LMAN2: variants seen among roughly 807,000 people sequenced by gnomAD.
The protein encoded by LMAN2 is lectin, mannose binding 2, also known as vesicular integral-membrane protein VIP36.
In LMAN2, 22 loss-of-function variants were observed where a neutral mutation model predicts 39.3. That is an observed-to-expected ratio of 0.56 (90% confidence interval 0.40 to 0.80). The LOEUF (loss-of-function observed/expected upper bound fraction) is 0.80, where lower values mean the gene tolerates loss of function less well. Among genes scored for constraint, LMAN2 ranks in the 30% least tolerant of loss-of-function variants. The pLI, the probability that LMAN2 is intolerant of heterozygous loss-of-function variation, is 0.00. For missense variants in LMAN2, 494 were observed against 505.4 expected (o/e 0.98, Z 0.22); for synonymous variants, 207 against 207.8 (o/e 1.00, Z 0.03).
chr5:177,341,298 T>C (rs1326653978), intron 2 of LMAN2, among the ~76,000 whole-genome samples: 1 of 150,328 alleles, frequency 6.7e-6, no homozygotes, highest in African/African-American at 2.5e-5. Flanking sequence ...ACTCCCGACC[T>C]AAGGTGATCC....
chr5:177,338,533 C>T lies in LMAN2; in HGVS notation c.388G>A (p.Gly130Arg), dbSNP rs773398800. The T allele has an allele frequency of 1.2e-6, 2 of 1,614,232 alleles. No individual in the cohort carries two copies. The highest frequency in any genetic ancestry group is 1.7e-6 in the Non-Finnish European group (2 of 1,180,034). ...GTGTACCACAAGGCGATGCCGTCTCCATGGAGGTTCTTCTTCCCTGTGCCG... is the reference window on the plus strand; with the variant it reads ...GTGTACCACAAGGCGATGCCGTCTCTATGGAGGTTCTTCTTCCCTGTGCCG... ...VHGTGKKNLH[G>R]DGIALWYTRD... The change falls in exon 3 of 8, where the codon GGA becomes AGA. Residue 130 changes from glycine to arginine, a missense_variant. Coordinates refer to ENST00000303127, the MANE Select transcript of LMAN2 (RefSeq NM_006816.3).
At position 177,351,482 on chromosome 5, in the gene LMAN2, G is replaced by C; in HGVS notation, c.166C>G (p.Arg56Gly). ...ITDGNSEHLK[R>G]EHSLIKPYQG... ...TAGGGCTTAATGAGCGAATGCTCCC[G>C]CTTGAGATGTTCACTGTTGCCGTCA... Residue 56 changes from arginine to glycine, a missense_variant, in exon 1 of 8, where the codon CGG (arginine) becomes GGG (glycine). Physicochemically the swap from Arg to Gly is moderately radical, Grantham distance 125. Coordinates refer to ENST00000303127, the MANE Select transcript of LMAN2 (RefSeq NM_006816.3). 6.2e-7 allele frequency: 1 copy of C among 1,613,822 alleles called. No individual in the cohort carries two copies. The highest frequency in any genetic ancestry group is 8.5e-7 in the Non-Finnish European group (1 of 1,179,850).
At chr5:177,339,712 T>C (rs1441409081) in intron 2 of LMAN2, among the ~76,000 whole-genome samples, 1 of 152,084 alleles carries the variant, frequency 6.6e-6, no homozygotes, top group Non-Finnish European at 1.5e-5. Context: ...GAGAAATGAA[T>C]ACAGGAGTAA....
chr5:177,336,212 G>A (rs1253282224), intron 6 of LMAN2, among the ~76,000 whole-genome samples: 1 of 152,174 alleles, frequency 6.6e-6, no homozygotes, highest in Non-Finnish European at 1.5e-5. Context: ...GGTAACATCT[G>A]AGCAAGGCCC....
At chr5:177,346,051 A>T (rs1448673315) in intron 2 of LMAN2, 1 of 152,438 alleles carries the variant, frequency 6.6e-6, no homozygotes, top group Non-Finnish European at 1.5e-5. Flanking sequence ...TACAGGCGTG[A>T]GCCACCGCAC....
chr5:177,347,412 C>T (rs1761651765), intron 2 of LMAN2, among the ~76,000 whole-genome samples: 1 of 152,186 alleles, frequency 6.6e-6, no homozygotes, highest in South Asian at 2.1e-4. Context: ...GGAAAGTCTT[C>T]ATGACCCCAG....
intron 2 of LMAN2, 54 bp downstream of exon 2, chr5:177,351,119 G>C (rs1436388507): frequency 4.4e-5 from 66 of 1,504,024 alleles, no homozygotes; most frequent in Admixed American, 6.7e-5. Context: ...TGCTCGGGAG[G>C]CAGGGACTAG....
At chr5:177,349,408 G>C (rs1761689101) in intron 2 of LMAN2, among the ~76,000 whole-genome samples, 1 of 152,220 alleles carries the variant, frequency 6.6e-6, no homozygotes, top group African/African-American at 2.4e-5. Flanking sequence ...AGAAAATTCT[G>C]ATTTCCAAGC....
chr5:177,341,361 C>T (rs576934502), intron 2 of LMAN2, among the ~76,000 whole-genome samples: 2 of 151,926 alleles, frequency 1.3e-5, no homozygotes, highest in Admixed American at 6.6e-5. Context: ...CCACCGCGCC[C>T]GGCCATAAAA....
rs990138173 is a variant in LMAN2, at chr5:177,332,024, G to A, written c.*62C>T. On this transcript the variant is annotated 3_prime_UTR_variant, in exon 8 of 8. Coordinates refer to ENST00000303127, the MANE Select transcript of LMAN2 (RefSeq NM_006816.3). The surrounding 1 kb of genome is among the most constrained non-coding windows in gnomAD (Gnocchi z 6.3). ...CATCTTGTTGTTCTTTTATAATCCC[G>A]GTAAAAAAAAAAGTTCACATTGGCT... The A allele has an allele frequency of 4.0e-5, 58 of 1,464,250 alleles. No homozygotes were observed. Among genetic ancestry groups the A allele is most frequent in the Admixed American group, 3.0e-4 (13 of 43,680 alleles). 90.7% of individuals were successfully genotyped at this position (1,464,250 alleles called of 1,614,324 possible). A position where few individuals can be genotyped will look rare whatever the true frequency, so the allele number is the denominator to read the frequency against.
chr5:177,338,873 G>A (rs890195346), intron 2 of LMAN2, among the ~76,000 whole-genome samples: 3 of 152,212 alleles, frequency 2.0e-5, no homozygotes, highest in Non-Finnish European at 4.4e-5. Context: ...GCAGACCTCA[G>A]GCTGCTCCTG....
intron 6 of LMAN2, among the ~76,000 whole-genome samples, chr5:177,336,656 T>C (rs933700159): frequency 3.3e-5 from 5 of 152,154 alleles, no homozygotes; most frequent in African/African-American, 1.2e-4. Context: ...GGGGCACAGG[T>C]GCCACTGACA....
Position 177,332,113 on chromosome 5 carries a change from C to T in LMAN2, c.1044G>A (p.Arg348=). 6.2e-7 allele frequency: 1 copy of T among 1,613,404 alleles called. No individual in the cohort carries two copies. The highest frequency in any genetic ancestry group is 2.2e-5 in the East Asian group (1 of 44,876). ...AVVGAVVFQK[R]QERNKRFY ...AGTAGAAGCGCTTGTTCCGCTCCTG[C>T]CGCTTCTGGAACACCACGGCCCCCA... Residue 348 remains arginine, a synonymous_variant, in exon 8 of 8, where the codon CGG becomes CGA. Transcript: ENST00000303127. The surrounding 1 kb of genome is among the most constrained non-coding windows in gnomAD (Gnocchi z 6.3).
At chr5:177,341,053 C>A (rs1325343215) in intron 2 of LMAN2, among the ~76,000 whole-genome samples, 1 of 142,404 alleles carries the variant, frequency 7.0e-6, no homozygotes, top group Non-Finnish European at 1.5e-5. Context: ...CCACGCCCAG[C>A]CTTTTTTTTT....
At chr5:177,351,383 G>C in intron 1 of LMAN2, 69 bp downstream of exon 1, 5 of 1,604,772 alleles carry the variant, frequency 3.1e-6, no homozygotes, top group South Asian at 1.1e-5. Context: ...AGGAGAAAGG[G>C]CACGCCTTCC....
In LMAN2 at chr5:177,332,309, G is replaced by C. The variant is rs1372977249; in HGVS notation, c.911-63C>G. 2 of 1,493,106 alleles carry C rather than the reference G, an allele frequency of 1.3e-6. No individual in the cohort carries two copies. The highest frequency in any genetic ancestry group is 1.8e-6 in the Non-Finnish European group (2 of 1,088,342). The allele number at this position is 1,493,106 out of a possible 1,614,324, so 92.5% of individuals were successfully genotyped here. ...CGGGCCGGGGATCAGGGGGCTGCAG[G>C]AGGGCAGTGGGGATGGAACAGGACA... On this transcript the variant is annotated intron_variant, in intron 7 of 7. Coordinates refer to ENST00000303127, the MANE Select transcript of LMAN2 (RefSeq NM_006816.3). This position sits in a 1 kb window ranked among gnomAD's most constrained non-coding sequence, Gnocchi z 6.3.
Position 177,337,668 on chromosome 5 carries a change from C to A in LMAN2, c.513+38G>T, listed in dbSNP as rs1047099183. 5 of 1,610,694 alleles carry A rather than the reference C, an allele frequency of 3.1e-6. No homozygotes were observed. On this transcript the variant is annotated intron_variant, in intron 4 of 7. Transcript: ENST00000303127. The surrounding 1 kb of genome is among the most constrained non-coding windows in gnomAD (Gnocchi z 8.2). The stretch of plus-strand genomic sequence containing the variant: ...CCCTCCTCTAGCCGACTGCCCAGTC[C>A]TTCCTTTCCTGCTCAGCAGGATAGA...
At chr5:177,346,463 T>G (rs1332754499) in intron 2 of LMAN2, 1 of 295,902 alleles carries the variant, frequency 3.4e-6, no homozygotes, top group Non-Finnish European at 5.9e-6. Flanking sequence ...CGGTTGTTGT[T>G]TTTTTTTTAA....
In LMAN2 at chr5:177,332,378, G is replaced by A. The variant is rs1056184874; in HGVS notation, c.911-132C>T. ...GCCGGTCGTACTCACCCCCCTCACCGGGGAGGGGCAGAGGTCAGGTGAAGC... is the reference window on the plus strand; with the variant it reads ...GCCGGTCGTACTCACCCCCCTCACCAGGGAGGGGCAGAGGTCAGGTGAAGC... On this transcript the variant is annotated intron_variant, in intron 7 of 7. Coordinates refer to ENST00000303127, the MANE Select transcript of LMAN2 (RefSeq NM_006816.3). The surrounding 1 kb of genome is among the most constrained non-coding windows in gnomAD (Gnocchi z 6.3). The A allele has an allele frequency of 4.7e-5, 38 of 801,322 alleles. No homozygotes were observed. The highest frequency in any genetic ancestry group is 3.1e-4 in the African/African-American group (18 of 58,252). The allele number at this position is 801,322 out of a possible 1,614,324, so 49.6% of individuals were successfully genotyped here.
Sources: gnomAD v4.1 joint callset for allele counts (sites outside exome capture counted in the v4.1 genomes callset) on GRCh38, gnomAD v4.1.1 for gene constraint, Gnocchi (gnomAD v3.1) non-coding constraint, MANE v1.5 for transcripts, NCBI Gene and HGNC (gene_info 2026-07-23, HGNC 2026-07-21) for gene names.